Variants in HCN1 observed in about 807,000 individuals in gnomAD.
The protein encoded by HCN1 is hyperpolarization activated cyclic nucleotide gated potassium channel 1, also known as potassium/sodium hyperpolarization-activated cyclic nucleotide-gated channel 1.
In HCN1, 13 loss-of-function variants were observed where a neutral mutation model predicts 78.9. That is an observed-to-expected ratio of 0.16 (90% CI 0.11 to 0.26). HCN1 has a LOEUF of 0.26. Ranked by LOEUF, HCN1 falls within the 10% of genes least tolerant of loss-of-function variation. The pLI, the probability that HCN1 is intolerant of heterozygous loss-of-function variation, is 1.00. For missense variants in HCN1, 810 were observed against 1,154.3 expected, an observed-to-expected ratio of 0.70 and a Z score of 4.32; for synonymous variants, 552 against 455.5, an observed-to-expected ratio of 1.21 and a Z score of -2.70.
chr5:45,523,852 C>G lies in HCN1; in HGVS notation c.850-61845G>C, dbSNP rs1382289881. ...AGTAGTTTCTTTTGCTGTGCAGAAG[C>G]TCTTTAGTTTAATTAGATCCCATTT... On this transcript the variant is annotated intron_variant, in intron 2 of 7. Coordinates refer to ENST00000303230, the MANE Select transcript of HCN1 (RefSeq NM_021072.4). Among the ~76,000 whole-genome samples, 4 of 152,086 alleles carry G rather than the reference C, an allele frequency of 2.6e-5. No homozygotes were observed. In the East Asian group the frequency reaches 7.7e-4, roughly 29 times the overall value.
chr5:45,283,969 G>T (rs190063139), intron 6 of HCN1, among the ~76,000 whole-genome samples: 28 of 152,260 alleles, frequency 1.8e-4, no homozygotes, highest in Non-Finnish European at 2.9e-4. Flanking sequence ...CCACAGAAAA[G>T]AATGAGATCC....
intron 1 of HCN1, among the ~76,000 whole-genome samples, chr5:45,668,163 G>A (rs2112071333): frequency 6.6e-6 from 1 of 151,956 alleles, no homozygotes; most frequent in African/African-American, 2.4e-5. Context: ...CCTAAGAGTA[G>A]CTTAATGAAA....
chr5:45,479,996 T>G (rs1010550771), intron 2 of HCN1: 1 of 152,622 alleles, frequency 6.6e-6, no homozygotes, highest in Non-Finnish European at 1.5e-5. Context: ...TGACTTACCA[T>G]TTTCTCTGGA....
chr5:45,440,596 C>G (rs1740651432), intron 3 of HCN1, among the ~76,000 whole-genome samples: 2 of 152,126 alleles, frequency 1.3e-5, no homozygotes, highest in Non-Finnish European at 2.9e-5. Flanking sequence ...CTAACCCTGA[C>G]TAGTTCACAT....
At chr5:45,641,914 T>A (rs1745461565) in intron 2 of HCN1, 1 of 152,138 alleles carries the variant, frequency 6.6e-6, no homozygotes, top group Non-Finnish European at 1.5e-5. Flanking sequence ...TTCCTCACCG[T>A]ATGTCTCTTT....
chr5:45,311,258 T>C (rs1051996610), intron 5 of HCN1, among the ~76,000 whole-genome samples: 2 of 152,148 alleles, frequency 1.3e-5, no homozygotes, highest in African/African-American at 4.8e-5. Flanking sequence ...AACAAAAATG[T>C]TGTTCCAAAG....
At chr5:45,273,324 A>G (rs1158878198) in intron 6 of HCN1, among the ~76,000 whole-genome samples, 1 of 151,570 alleles carries the variant, frequency 6.6e-6, no homozygotes, top group Non-Finnish European at 1.5e-5. Context: ...CTAGCACATT[A>G]TTTGTATACC....
intron 4 of HCN1, among the ~76,000 whole-genome samples, chr5:45,378,951 C>A (rs1241875430): frequency 6.6e-6 from 1 of 152,060 alleles, no homozygotes; most frequent in Non-Finnish European, 1.5e-5. Context: ...AGGACATGAA[C>A]TCATCTTTTT....
chr5:45,521,750 G>A (rs1486251998), intron 2 of HCN1, among the ~76,000 whole-genome samples: 1 of 151,892 alleles, frequency 6.6e-6, no homozygotes, highest in Non-Finnish European at 1.5e-5. Flanking sequence ...TAACAGCAAG[G>A]AGTTCCAGTA....
chr5:45,645,000 C>G, intron 2 of HCN1, 185 bp downstream of exon 2: 1 of 552,826 alleles, frequency 1.8e-6, no homozygotes, highest in African/African-American at 1.9e-5. Context: ...TCATTCAAAT[C>G]CATTATTTGA....
intron 6 of HCN1, among the ~76,000 whole-genome samples, chr5:45,288,374 C>T (rs990998391): frequency 3.3e-5 from 5 of 151,968 alleles, no homozygotes; most frequent in African/African-American, 1.2e-4. Context: ...GGCAAGAAGA[C>T]ATTTTGGATG....
Position 45,363,218 on chromosome 5 carries a change from A to G in HCN1, c.1231-9972T>C, listed in dbSNP as rs963883797. Among the ~76,000 whole-genome samples, 3 of 149,128 alleles carry G rather than the reference A, an allele frequency of 2.0e-5. No individual in the cohort carries two copies. In the South Asian group the frequency reaches 6.3e-4, roughly 31 times the overall value. ...GTTAACACTATTGATGTCCCATACA[A>G]CGCGTCTTTCCTTGTAAGCTGACCC... On this transcript the variant is annotated intron_variant, in intron 4 of 7. Transcript: ENST00000303230.
chr5:45,582,662 A>G (rs2111924939), intron 2 of HCN1, among the ~76,000 whole-genome samples: 1 of 152,304 alleles, frequency 6.6e-6, no homozygotes, highest in Admixed American at 6.5e-5. Flanking sequence ...TGGGTTTGTC[A>G]TAGATAGCTC....
intron 2 of HCN1, among the ~76,000 whole-genome samples, chr5:45,547,860 C>T (rs62369104): frequency 0.065 from 9,840 of 151,832 alleles, 394 homozygotes; most frequent in East Asian, 0.15. Context: ...TGATATTAAT[C>T]CTTTTACGCA....
chr5:45,289,074 T>C (rs150981920), intron 6 of HCN1, among the ~76,000 whole-genome samples: 2 of 152,072 alleles, frequency 1.3e-5, no homozygotes, highest in Non-Finnish European at 2.9e-5. Context: ...GGGGGCATTA[T>C]ACAATATAAC....
intron 2 of HCN1, among the ~76,000 whole-genome samples, chr5:45,483,710 G>T (rs1741700746): frequency 6.6e-6 from 1 of 152,032 alleles, no homozygotes; most frequent in South Asian, 2.1e-4. Context: ...ATGTTGAGAA[G>T]AGTACTTCCT....
At chr5:45,483,734 T>G (rs922493238) in intron 2 of HCN1, among the ~76,000 whole-genome samples, 3 of 152,144 alleles carry the variant, frequency 2.0e-5, no homozygotes, top group African/African-American at 7.2e-5. Context: ...TTTTCTGCCA[T>G]GATTTTTGTA....
chr5:45,428,483 A>T (rs1321434807), intron 3 of HCN1, among the ~76,000 whole-genome samples: 1 of 151,956 alleles, frequency 6.6e-6, no homozygotes, highest in Non-Finnish European at 1.5e-5. Context: ...AATTCATGTC[A>T]CTCTAATTCA....
chr5:45,672,868 T>C (rs1358408), intron 1 of HCN1, among the ~76,000 whole-genome samples: 151,037 of 151,344 alleles, frequency 1, 75,365 homozygotes, highest in East Asian at 1. Flanking sequence ...CAGAAAATAA[T>C]AGAGTTCCCA....
Sources: gnomAD v4.1 joint callset for allele counts (sites outside exome capture counted in the v4.1 genomes callset) on GRCh38, gnomAD v4.1.1 for gene constraint, MANE v1.5 for transcripts, NCBI Gene and HGNC (gene_info 2026-07-23, HGNC 2026-07-21) for gene names.